The following CUL2 variants were observed in gnomAD, a reference collection of about 807,000 sequenced individuals.
The protein encoded by CUL2 is cullin-2.
Under a neutral mutation model 110.2 loss-of-function variants are expected in CUL2, and 22 were observed. The observed-to-expected ratio is 0.20, with a 90% confidence interval of 0.14 to 0.28. The LOEUF (loss-of-function observed/expected upper bound fraction) is 0.28, where lower values mean the gene tolerates loss of function less well. Ranked by LOEUF, CUL2 falls within the 10% of genes least tolerant of loss-of-function variation. The probability of loss-of-function intolerance (pLI) is 1.00; values close to 1 mark genes in which losing one functional copy is unlikely to be tolerated. For missense variants in CUL2, 631 were observed against 905.5 expected, an observed-to-expected ratio of 0.70 and a Z score of 3.89; for synonymous variants, 279 against 293.2, an observed-to-expected ratio of 0.95 and a Z score of 0.49.
rs2084914331 is a variant in CUL2, at chr10:35,011,979, A to C, written c.1990-15T>G. 6.9e-7 allele frequency: 1 copy of C among 1,444,794 alleles called. No individual in the cohort carries two copies. Among genetic ancestry groups the C allele is most frequent in the African/African-American group, 1.4e-5 (1 of 70,696 alleles). The allele number at this position is 1,444,794 out of a possible 1,614,324, so 89.5% of individuals were successfully genotyped here. On this transcript the variant is annotated splice_polypyrimidine_tract_variant and intron_variant, in intron 19 of 20. Transcript: ENST00000374749. Reference sequence around the variant, plus strand: ...TGCTCCATTTCCTGTTTTACAGAAGAAAAGAAAAAAGACCCAACAAGACAT... The same window carrying C: ...TGCTCCATTTCCTGTTTTACAGAAGCAAAGAAAAAAGACCCAACAAGACAT...
intron 17 of CUL2, among the ~76,000 whole-genome samples, chr10:35,019,137 G>A (rs73256999): frequency 1.5e-4 from 23 of 152,144 alleles, no homozygotes; most frequent in African/African-American, 5.3e-4. Context: ...CTGCAATGAC[G>A]ACTTAATCAT....
At chr10:35,091,281 GC>G (rs1182407273), upstream of CUL2, among the ~76,000 whole-genome samples, 1 of 152,150 alleles carries the variant, frequency 6.6e-6, no homozygotes, top group East Asian at 1.9e-4. Flanking sequence ...GATTCAGCAA[GC>G]TTTTCCCTCC....
intron 6 of CUL2, 119 bp downstream of exon 6, chr10:35,049,564 G>T: frequency 1.6e-6 from 1 of 631,450 alleles, no homozygotes; most frequent in Non-Finnish European, 2.7e-6. Flanking sequence ...GTAAAATGAG[G>T]CTCATTACAG....
intron 1 of CUL2, among the ~76,000 whole-genome samples, chr10:35,080,082 GT>G (rs2086909013): frequency 6.6e-6 from 1 of 152,166 alleles, no homozygotes; most frequent in African/African-American, 2.4e-5. Context: ...TTGACCGTGG[GT>G]AACTAAAATG....
At chr10:35,037,418 A>G (rs1375038561) in intron 9 of CUL2, among the ~76,000 whole-genome samples, 2 of 152,190 alleles carry the variant, frequency 1.3e-5, no homozygotes, top group African/African-American at 4.8e-5. Flanking sequence ...CTTAATTACT[A>G]TAGGTTTTAC....
At position 35,028,897 on chromosome 10, in the gene CUL2, AAAAAAT is replaced by A; in HGVS notation, c.1540-16_1540-11del. 1 of 1,556,618 alleles carries A rather than the reference AAAAAAT, an allele frequency of 6.4e-7. No homozygotes were observed. Among genetic ancestry groups the A allele is most frequent in the South Asian group, 1.2e-5 (1 of 84,918 alleles). ...GAGGCCACGCACCAGCCTAGAAGGA[AAAAAAT>A]AAAATAAAATAAGCTAAATGGATCA... On this transcript the variant is annotated splice_polypyrimidine_tract_variant and intron_variant, in intron 15 of 20. Coordinates refer to ENST00000374749, the MANE Select transcript of CUL2 (RefSeq NM_003591.4).
chr10:35,104,976 G>T (rs1354874240), intron 1 of CUL2, among the ~76,000 whole-genome samples: 1 of 151,598 alleles, frequency 6.6e-6, no homozygotes, highest in African/African-American at 2.4e-5. Flanking sequence ...TGATCCACCC[G>T]CCTGGGCCTC....
At chr10:35,090,689 A>C (rs1178430824), upstream of CUL2, 1 of 152,326 alleles carries the variant, frequency 6.6e-6, no homozygotes, top group African/African-American at 2.4e-5. Context: ...GCTTCGTGTG[A>C]TTGCGAAAGG....
intron 17 of CUL2, among the ~76,000 whole-genome samples, chr10:35,020,032 C>T (rs575670526): frequency 6.6e-6 from 1 of 152,192 alleles, no homozygotes; most frequent in South Asian, 2.1e-4. Flanking sequence ...ACATTAGATG[C>T]CTTTGAAATA....
intron 9 of CUL2, among the ~76,000 whole-genome samples, chr10:35,036,903 C>T (rs1345992020): frequency 1.3e-5 from 2 of 152,136 alleles, no homozygotes; most frequent in East Asian, 3.9e-4. Flanking sequence ...CTGGCTAATG[C>T]TTGTATTTTT....
At chr10:35,050,372 A>G (rs2134847449) in intron 5 of CUL2, among the ~76,000 whole-genome samples, 1 of 152,314 alleles carries the variant, frequency 6.6e-6, no homozygotes, top group South Asian at 2.1e-4. Context: ...GCTCAACACT[A>G]TAAATGGGCT....
intron 1 of CUL2, among the ~76,000 whole-genome samples, chr10:35,111,489 C>T (rs1184281255): frequency 6.6e-6 from 1 of 152,146 alleles, no homozygotes. Flanking sequence ...AAACTCCTGG[C>T]CTCAAGCCAT....
At chr10:35,116,563 G>A (rs1268953461) in intron 1 of CUL2, among the ~76,000 whole-genome samples, 1 of 151,782 alleles carries the variant, frequency 6.6e-6, no homozygotes, top group Non-Finnish European at 1.5e-5. Context: ...AACCCTCTTT[G>A]AATCCTTTCA....
intron 17 of CUL2, among the ~76,000 whole-genome samples, chr10:35,017,692 CAAA>C (rs11307339): frequency 2.4e-5 from 3 of 126,534 alleles, no homozygotes; most frequent in Non-Finnish European, 3.4e-5. Context: ...GTATCTGTCT[CAAA>C]AAAAAAAAAA....
chr10:35,094,890 C>A (rs929933511), upstream of CUL2, among the ~76,000 whole-genome samples: 20 of 152,170 alleles, frequency 1.3e-4, no homozygotes, highest in Non-Finnish European at 2.4e-4. Context: ...CCTTACTCCC[C>A]AAACAAACCT....
intron 1 of CUL2, among the ~76,000 whole-genome samples, chr10:35,075,859 T>C (rs890360907): frequency 2.6e-5 from 4 of 152,200 alleles, no homozygotes; most frequent in African/African-American, 9.7e-5. Flanking sequence ...TTGTCAATAA[T>C]AATTACAAAA....
chr10:35,016,192 C>A lies in CUL2; in HGVS notation c.1887G>T (p.Lys629Asn). The A allele has an allele frequency of 6.2e-7, 1 of 1,611,140 alleles. No individual in the cohort carries two copies. The highest frequency in any genetic ancestry group is 8.5e-7 in the Non-Finnish European group (1 of 1,178,010). ...DVKMINHDSE[K>N]EDIDAESSFS... ...AATTCTTTGGAATATTACTACATAC[C>A]TTTTCTGAATCATGGTTAATCATTT... The change falls in exon 18 of 21, where the codon AAG becomes AAT. Residue 629 changes from lysine to asparagine, a missense_variant and splice_region_variant. This residue lies in a region of CUL2 where 159 missense variants were observed against 202.7 expected (regional missense o/e 0.78). Coordinates refer to ENST00000374749, the MANE Select transcript of CUL2 (RefSeq NM_003591.4).
At chr10:35,096,970 C>T (rs953361124) in intron 2 of CUL2, among the ~76,000 whole-genome samples, 2 of 152,000 alleles carry the variant, frequency 1.3e-5, no homozygotes, top group African/African-American at 4.8e-5. Flanking sequence ...CCACCATACT[C>T]GGCTATTTTT....
At chr10:35,101,845 G>T (rs1589062380) in intron 1 of CUL2, among the ~76,000 whole-genome samples, 1 of 152,186 alleles carries the variant, frequency 6.6e-6, no homozygotes, top group African/African-American at 2.4e-5. Context: ...TGCACCAAAG[G>T]GGAATGGTTT....
Sources: allele counts gnomAD v4.1 joint callset (sites outside exome capture counted in the v4.1 genomes callset), GRCh38; gene constraint gnomAD v4.1.1; regional missense constraint gnomAD v4.1.1; transcripts MANE v1.5; gene names NCBI Gene and HGNC (gene_info 2026-07-23, HGNC 2026-07-21).